The following DOCK5 variants were observed in gnomAD, a reference collection of about 807,000 sequenced individuals.
DOCK5 encodes the protein dedicator of cytokinesis protein 5.
In DOCK5, 142 loss-of-function variants were observed where a neutral mutation model predicts 251.8. The ratio of observed to expected loss-of-function variants is 0.56; its 90% confidence interval spans 0.49 to 0.65. The LOEUF (loss-of-function observed/expected upper bound fraction) is 0.65, where lower values mean the gene tolerates loss of function less well. Ranked by LOEUF, DOCK5 falls within the 30% of genes least tolerant of loss-of-function variation. The pLI, the probability that DOCK5 is intolerant of heterozygous loss-of-function variation, is 0.00. For missense variants in DOCK5, 2,111 were observed against 2,312.3 expected, an observed-to-expected ratio of 0.91 and a Z score of 1.79; for synonymous variants, 842 against 835.5, an observed-to-expected ratio of 1.01 and a Z score of -0.13.
At position 25,190,775 on chromosome 8, in the gene DOCK5, GGTTT is replaced by G. The variant is rs1227313620; in HGVS notation, c.43+5825_43+5828del. Among the ~76,000 whole-genome samples the G allele has an allele frequency of 4.2e-3, 227 of 53,960 alleles. 5 individuals carry two copies. Among genetic ancestry groups the G allele is most frequent in the African/African-American group, 0.014 (208 of 14,860 alleles). The allele number at this position is 53,960 out of a possible 152,430, so 35.4% of individuals were successfully genotyped here. ...AAGGCCTGGCCTTAACTTGGTCATG[GGTTT>G]TTTTTTTTTTTTTTTTTTTTTTGAG... is the stretch of plus-strand genomic sequence containing the variant. On this transcript the variant is annotated intron_variant, in intron 1 of 51. Coordinates refer to ENST00000276440, the MANE Select transcript of DOCK5 (RefSeq NM_024940.8).
At chr8:25,282,810 AC>A (rs1804232235) in intron 5 of DOCK5, among the ~76,000 whole-genome samples, 1 of 124,760 alleles carries the variant, frequency 8.0e-6, no homozygotes, top group Non-Finnish European at 1.6e-5. Flanking sequence ...TGATTATACC[AC>A]TGCATTCCAG....
intron 4 of DOCK5, among the ~76,000 whole-genome samples, chr8:25,277,830 A>C (rs191448780): frequency 2.0e-5 from 3 of 152,310 alleles, no homozygotes; most frequent in Admixed American, 2.0e-4. Flanking sequence ...ACTATACCAG[A>C]AATTCAAACT....
intron 1 of DOCK5, among the ~76,000 whole-genome samples, chr8:25,229,458 G>A (rs192341662): frequency 6.6e-6 from 1 of 151,534 alleles, no homozygotes; most frequent in Admixed American, 6.6e-5. Flanking sequence ...TCCAGCCTGG[G>A]CGACAAAGCT....
At chr8:25,293,272 T>G (rs949811969) in intron 6 of DOCK5, among the ~76,000 whole-genome samples, 1 of 152,216 alleles carries the variant, frequency 6.6e-6, no homozygotes, top group Non-Finnish European at 1.5e-5. Context: ...TTCTTGGATA[T>G]CCCTCAGAGA....
In DOCK5 at chr8:25,370,173, C is replaced by T. The variant is rs182815724; in HGVS notation, c.3524+532C>T. 7.7e-4 allele frequency among the ~76,000 whole-genome samples: 117 copies of T among 152,310 alleles called. 1 individual carries two copies. Among genetic ancestry groups the T allele is most frequent in the Admixed American group, 1.4e-3 (21 of 15,300 alleles). ...ATCACCACTGTCCCCTCTTCCCCCA[C>T]CACCACACTCACCTATAACCCTCTT... On this transcript the variant is annotated intron_variant, in intron 34 of 51. Transcript: ENST00000276440.
At chr8:25,297,692 A>G (rs1260140775) in intron 7 of DOCK5, among the ~76,000 whole-genome samples, 2 of 152,142 alleles carry the variant, frequency 1.3e-5, no homozygotes, top group Non-Finnish European at 2.9e-5. Flanking sequence ...CCCAGGCTAA[A>G]ATAAATAATA....
intron 4 of DOCK5, 124 bp downstream of exon 4, chr8:25,275,565 T>A (rs1225657888): frequency 3.1e-6 from 3 of 952,680 alleles, no homozygotes; most frequent in Non-Finnish European, 4.6e-6. Flanking sequence ...CCAGGCGTGG[T>A]GGCTCACGCC....
At chr8:25,253,518 A>G (rs1803331387) in intron 2 of DOCK5, among the ~76,000 whole-genome samples, 1 of 152,106 alleles carries the variant, frequency 6.6e-6, no homozygotes, top group African/African-American at 2.4e-5. Flanking sequence ...TTTTTTTTAA[A>G]TGCGTTAGGT....
At position 25,361,894 on chromosome 8, in the gene DOCK5, C is replaced by A. The variant is rs1044244633; in HGVS notation, c.2950-1153C>A. On this transcript the variant is annotated intron_variant, in intron 28 of 51. Coordinates refer to ENST00000276440, the MANE Select transcript of DOCK5 (RefSeq NM_024940.8). ...CTGTCTCTCACATACTGTGTCCAGG[C>A]AGAACTGTGTAGGTTAGTGCCAGAG... Among the ~76,000 whole-genome samples the A allele has an allele frequency of 2.0e-5, 3 of 152,190 alleles. 1 individual carries two copies. The South Asian group carries it at 6.2e-4, about 31-fold the overall frequency.
chr8:25,224,182 G>C (rs534222589), intron 1 of DOCK5, among the ~76,000 whole-genome samples: 2 of 152,262 alleles, frequency 1.3e-5, no homozygotes, highest in East Asian at 1.9e-4. Flanking sequence ...ACAGTGGTGT[G>C]ATCTTGGCTC....
At chr8:25,239,992 G>A (rs1404414615) in intron 1 of DOCK5, among the ~76,000 whole-genome samples, 5 of 152,128 alleles carry the variant, frequency 3.3e-5, no homozygotes, top group Admixed American at 2.0e-4. Flanking sequence ...CAAGCTGCAG[G>A]TGCAGGGTGC....
intron 45 of DOCK5, among the ~76,000 whole-genome samples, chr8:25,397,195 C>CTGGG (rs1801360820): frequency 6.6e-6 from 1 of 151,544 alleles, no homozygotes; most frequent in Non-Finnish European, 1.5e-5. Context: ...GAACTCCAGC[C>CTGGG]TGGGTGACAG....
At chr8:25,295,443 A>T (rs1804595449) in intron 6 of DOCK5, among the ~76,000 whole-genome samples, 1 of 152,168 alleles carries the variant, frequency 6.6e-6, no homozygotes, top group Non-Finnish European at 1.5e-5. Flanking sequence ...GAATGTATAC[A>T]AATGAAGAAA....
At position 25,184,755 on chromosome 8, in the gene DOCK5, C is replaced by G. The variant is rs922287789; in HGVS notation, c.-154C>G. 1 of 587,072 alleles carries G rather than the reference C, an allele frequency of 1.7e-6. No homozygotes were observed. Among genetic ancestry groups the G allele is most frequent in the African/African-American group, 2.0e-5 (1 of 49,970 alleles). 36.4% of individuals were successfully genotyped at this position (587,072 alleles called of 1,614,324 possible). On this transcript the variant is annotated 5_prime_UTR_variant, in exon 1 of 52. Transcript: ENST00000276440. ...GCGCGGGCACGGGCACGGGCGCGGG[C>G]GGCGCGGCGAGGAGGCGGCCCGCGG...
chr8:25,304,082 T>A (rs1482400569), intron 10 of DOCK5, among the ~76,000 whole-genome samples, 173 bp from the exon 11 acceptor site: 1 of 152,232 alleles, frequency 6.6e-6, no homozygotes, highest in Non-Finnish European at 1.5e-5. Context: ...AGTCACTTTT[T>A]TGCTGGGCTA....
rs990873650 is a variant in DOCK5 at position 25,209,824 on chromosome 8, G to A, written c.43+24873G>A. 2.6e-4 allele frequency among the ~76,000 whole-genome samples: 17 copies of A among 66,280 alleles called. 8 individuals are homozygous for A. Among genetic ancestry groups the A allele is most frequent in the Admixed American group, 7.0e-4 (4 of 5,746 alleles). The allele number at this position is 66,280 out of a possible 152,430, so 43.5% of individuals were successfully genotyped here. On this transcript the variant is annotated intron_variant, in intron 1 of 51. Transcript: ENST00000276440. The stretch of plus-strand genomic sequence containing the variant: ...GGCAAGCCTGCCCTGCCAGCATTTC[G>A]TGCAGAAGGCGCAAGCAACATGGGA...
At chr8:25,228,732 T>TA (rs11436880) in intron 1 of DOCK5, among the ~76,000 whole-genome samples, 133,478 of 152,022 alleles carry the variant, frequency 0.88, 59,389 homozygotes, top group Non-Finnish European at 0.95. Context: ...AAACTATTTT[T>TA]AACCTTTTTT....
chr8:25,267,025 T>C (rs1803773514), intron 2 of DOCK5, among the ~76,000 whole-genome samples: 1 of 152,170 alleles, frequency 6.6e-6, no homozygotes, highest in Admixed American at 6.5e-5. Flanking sequence ...AAGATGAATA[T>C]CTTGTTTCTC....
At chr8:25,318,859 A>G (rs1249354273) in intron 14 of DOCK5, among the ~76,000 whole-genome samples, 1 of 152,040 alleles carries the variant, frequency 6.6e-6, no homozygotes, top group Non-Finnish European at 1.5e-5. Flanking sequence ...AATGAAATAC[A>G]ATTTCATCAC....
Sources: allele counts gnomAD v4.1 joint callset (sites outside exome capture counted in the v4.1 genomes callset), GRCh38; gene constraint gnomAD v4.1.1; transcripts MANE v1.5; gene names NCBI Gene and HGNC (gene_info 2026-07-23, HGNC 2026-07-21).